SLC3A2: variants seen among roughly 807,000 people sequenced by gnomAD.
The protein encoded by SLC3A2 is amino acid transporter heavy chain SLC3A2.
Under a neutral mutation model 48.5 loss-of-function variants are expected in SLC3A2, and 32 were observed. The observed-to-expected ratio is 0.66, with a 90% CI of 0.50 to 0.89. The LOEUF (loss-of-function observed/expected upper bound fraction) is 0.89, where lower values mean the gene tolerates loss of function less well. Among genes scored for constraint, SLC3A2 ranks in the 40% least tolerant of loss-of-function variants. The pLI, the probability that SLC3A2 is intolerant of heterozygous loss-of-function variation, is 0.00. For synonymous variants in SLC3A2, 277 were observed against 288.8 expected, an observed-to-expected ratio of 0.96 and a Z score of 0.41; for missense variants, 587 against 680.7, an observed-to-expected ratio of 0.86 and a Z score of 1.53.
chr11:62,877,870 CTT>C (rs1267357961), upstream of SLC3A2, among the ~76,000 whole-genome samples: 1 of 152,130 alleles, frequency 6.6e-6, no homozygotes, highest in Non-Finnish European at 1.5e-5. Context: ...AAGGAATTGA[CTT>C]CAGGCTGGGC....
chr11:62,881,645 T>G lies in SLC3A2; in HGVS notation c.424+198T>G. 1 of 861,076 alleles carries G rather than the reference T, an allele frequency of 1.2e-6. No homozygotes were observed. The highest frequency in any genetic ancestry group is 1.7e-6 in the Non-Finnish European group (1 of 603,626). 53.3% of individuals were successfully genotyped at this position (861,076 alleles called of 1,614,324 possible). On this transcript the variant is annotated intron_variant, in intron 1 of 8. Transcript: ENST00000338663. The surrounding 1 kb of genome is among the most constrained non-coding windows in gnomAD (Gnocchi z 4.0). ...TGAAGAAAGCCGACCCGCCCCTCACTCCGTCACGAGGGTGGGTGACTCAGC... is the reference window on the plus strand; with the variant it reads ...TGAAGAAAGCCGACCCGCCCCTCACGCCGTCACGAGGGTGGGTGACTCAGC...
intron 1 of SLC3A2, among the ~76,000 whole-genome samples, chr11:62,868,514 C>T (rs1178529716): frequency 2.7e-5 from 4 of 149,798 alleles, no homozygotes; most frequent in Admixed American, 6.7e-5. Context: ...TACAGGCGCC[C>T]GCCACCACGC....
intron 2 of SLC3A2, chr11:62,882,677 T>C: frequency 2.1e-6 from 1 of 478,438 alleles, no homozygotes. Flanking sequence ...TAGAGACAAT[T>C]TTCAACATGT....
chr11:62,884,813 C>CTTTTTTTTTTTTTTTTTTTTTTTT lies in SLC3A2; in HGVS notation c.818+135_818+158dup, dbSNP rs541507991. The stretch of plus-strand genomic sequence containing the variant: ...TTCTTTACCTTTATTCTTTCTTTAG[C>CTTTTTTTTTTTTTTTTTTTTTTTT]TTTTTTTTTTTTTTTTTTTTTTTTT... On this transcript the variant is annotated intron_variant, in intron 5 of 8. Transcript: ENST00000338663. 6 of 56,012 alleles carry CTTTTTTTTTTTTTTTTTTTTTTTT rather than the reference C, an allele frequency of 1.1e-4. 1 individual carries two copies. Among genetic ancestry groups the CTTTTTTTTTTTTTTTTTTTTTTTT allele is most frequent in the Admixed American group, 6.2e-4 (2 of 3,252 alleles). 3.5% of individuals were successfully genotyped at this position (56,012 alleles called of 1,614,324 possible). A position where few individuals can be genotyped will look rare whatever the true frequency, so the allele number is the denominator to read the frequency against.
Position 62,875,188 on chromosome 11 carries a change from GGACAGA to G in SLC3A2, c.113-5825_113-5820del, listed in dbSNP as rs377545580. On this transcript the variant is annotated intron_variant, in intron 1 of 9. Coordinates refer to the SLC3A2 transcript ENST00000377889. ...CTTTCGAAGATTTATGGAGGCTGTT[GGACAGA>G]GACAGTCTCCTGAAGAGTTTCTAGC... 2.7e-3 allele frequency among the ~76,000 whole-genome samples: 412 copies of G among 152,262 alleles called. 2 individuals carry two copies. The highest frequency in any genetic ancestry group is 8.4e-3 in the African/African-American group (350 of 41,532).
At chr11:62,861,252 C>T (rs995878302) in intron 1 of SLC3A2, among the ~76,000 whole-genome samples, 2 of 151,782 alleles carry the variant, frequency 1.3e-5, no homozygotes, top group African/African-American at 2.4e-5. Context: ...GGGAGGATTG[C>T]TTGAGCCCAG....
intron 1 of SLC3A2, among the ~76,000 whole-genome samples, chr11:62,863,327 C>G (rs776250697): frequency 3.9e-5 from 6 of 152,168 alleles, no homozygotes; most frequent in Non-Finnish European, 8.8e-5. Flanking sequence ...TCAGAGGATC[C>G]TCCCACCTCA....
At chr11:62,866,235 G>T (rs1057165846) in intron 1 of SLC3A2, among the ~76,000 whole-genome samples, 1 of 149,428 alleles carries the variant, frequency 6.7e-6, no homozygotes. Context: ...CTTCTGCCTC[G>T]GCCTCCCAAG....
At chr11:62,870,855 A>AATAATAATT (rs765651470) in intron 1 of SLC3A2, 30 of 134,838 alleles carry the variant, frequency 2.2e-4, no homozygotes, top group South Asian at 7.3e-4. Context: ...TAATAATAAT[A>AATAATAATT]ATTATTATTA....
upstream of SLC3A2, chr11:62,880,765 T>C: frequency 1.9e-6 from 1 of 539,450 alleles, no homozygotes; most frequent in East Asian, 3.3e-5. Flanking sequence ...GGAAGTACTG[T>C]CGGAGGCGTG....
chr11:62,876,891 T>C, upstream of SLC3A2: 1 of 1,015,442 alleles, frequency 9.8e-7, no homozygotes, highest in Non-Finnish European at 1.2e-6. Context: ...TGAGCCACAG[T>C]GCCTGGCAGT....
At chr11:62,877,894 T>C (rs948071184), upstream of SLC3A2, among the ~76,000 whole-genome samples, 31 of 152,252 alleles carry the variant, frequency 2.0e-4, no homozygotes, top group African/African-American at 7.5e-4. Context: ...CAGTGGCTCA[T>C]GCCTGTAATC....
intron 1 of SLC3A2, among the ~76,000 whole-genome samples, chr11:62,868,156 A>G (rs981105332): frequency 2.6e-5 from 4 of 151,904 alleles, no homozygotes; most frequent in Non-Finnish European, 5.9e-5. Flanking sequence ...TCCTGACTTC[A>G]GGTGATCTGC....
Position 62,885,316 on chromosome 11 carries a change from C to G in SLC3A2, c.958C>G (p.Gln320Glu). ...TGEHTKSLVTQYLNATGNRWC... is the reference protein window; with the variant it reads ...TGEHTKSLVTEYLNATGNRWC... ...GGAGCATACAAAATCCCTAGTCACACAGTATTTGAATGCCACTGGCAATCG... is the reference window on the plus strand; with the variant it reads ...GGAGCATACAAAATCCCTAGTCACAGAGTATTTGAATGCCACTGGCAATCG... The change falls in exon 6 of 9, where the codon CAG becomes GAG. Residue 320 changes from glutamine (Q) to glutamate (E), a missense_variant. Gln to Glu is a conservative substitution (Grantham distance 29). Around this residue, in one of 3 missense-constraint regions of SLC3A2, gnomAD observed 409 missense variants for 446.7 expected, o/e 0.92. Coordinates refer to ENST00000338663, the MANE Select transcript of SLC3A2 (RefSeq NM_001013251.3). The G allele has an allele frequency of 3.1e-6, 5 of 1,614,214 alleles. No homozygotes were observed. In the South Asian group the frequency reaches 4.4e-5, roughly 14 times the overall value.
rs1032383808 is a variant in SLC3A2 at position 62,861,892 on chromosome 11, C to A, written c.112+5511C>A. 3.4e-3 allele frequency among the ~76,000 whole-genome samples: 427 copies of A among 123,876 alleles called. 3 individuals carry two copies. The highest frequency in any genetic ancestry group is 0.011 in the African/African-American group (374 of 32,712). 81.3% of individuals were successfully genotyped at this position (123,876 alleles called of 152,430 possible). ...TGCCACTGCACTCCAGCCTGGCCAA[C>A]AAGAGCAAAACCTCTCTCAAAAAAA... On this transcript the variant is annotated intron_variant, in intron 1 of 9. Transcript: ENST00000377889.
chr11:62,885,189 G>A lies in SLC3A2; in HGVS notation c.831G>A (p.Ala277=), dbSNP rs1468964808. 8.1e-6 allele frequency: 13 copies of A among 1,613,800 alleles called. No individual in the cohort carries two copies. Among genetic ancestry groups the A allele is most frequent in the African/African-American group, 1.3e-5 (1 of 74,874 alleles). Residue 277 remains alanine, a synonymous_variant, in exon 6 of 9, where the codon GCG becomes GCA. Coordinates refer to ENST00000338663, the MANE Select transcript of SLC3A2 (RefSeq NM_001013251.3). ...KGFSEDRLLI[A]GTNSSDLQQI... is the part of the protein sequence containing the mutation. ...CTCCCCTCTGCAGGCTCTTGATTGC[G>A]GGGACTAACTCCTCCGACCTTCAGC...
At chr11:62,875,082 A>T (rs566824421) in intron 1 of SLC3A2, among the ~76,000 whole-genome samples, 3 of 152,122 alleles carry the variant, frequency 2.0e-5, no homozygotes, top group Non-Finnish European at 4.4e-5. Flanking sequence ...AATGGCTAAA[A>T]TCTTCAAGAT....
chr11:62,872,957 A>C (rs1331303850), intron 1 of SLC3A2, among the ~76,000 whole-genome samples: 1 of 152,208 alleles, frequency 6.6e-6, no homozygotes, highest in African/African-American at 2.4e-5. Context: ...TTTCTGTTAC[A>C]GCATACCATA....
Position 62,882,077 on chromosome 11 carries a change from TGGGGTTCCCAAGGAAACAGCTAGAAA to T in SLC3A2, c.598+14_598+39del. On this transcript the variant is annotated intron_variant, in intron 2 of 8. Transcript: ENST00000338663. ...CGGCTAAAAAAAAGAGTGGGTATCC[TGGGGTTCCCAAGGAAACAGCTAGAAA>T]GGACTTGGCCAGAGGAAAAGTAGGC... 6.2e-7 allele frequency: 1 copy of T among 1,614,010 alleles called. No homozygotes were observed. Among genetic ancestry groups the T allele is most frequent in the South Asian group, 1.1e-5 (1 of 91,084 alleles).
Sources: gnomAD v4.1 joint callset for allele counts (sites outside exome capture counted in the v4.1 genomes callset) on GRCh38, gnomAD v4.1.1 for gene constraint, gnomAD v4.1.1 regional missense constraint, Gnocchi (gnomAD v3.1) non-coding constraint, MANE v1.5 for transcripts, NCBI Gene and HGNC (gene_info 2026-07-23, HGNC 2026-07-21) for gene names.